NUDCD1: variants seen among roughly 807,000 people sequenced by gnomAD.
NUDCD1 encodes the protein NudC domain containing 1.
Under a neutral mutation model 67.8 loss-of-function variants are expected in NUDCD1, and 60 were observed. That is an observed-to-expected ratio of 0.88 (90% CI 0.72 to 1.10). The LOEUF is 1.10. Ranked by LOEUF, NUDCD1 falls within the 50% of genes least tolerant of loss-of-function variation. The pLI is 0.00. For missense variants in NUDCD1, 643 were observed against 695.0 expected, an observed-to-expected ratio of 0.93 and a Z score of 0.84; for synonymous variants, 244 against 230.8, an observed-to-expected ratio of 1.06 and a Z score of -0.52.
At chr8:109,309,434 CA>C (rs1210151740) in intron 2 of NUDCD1, among the ~76,000 whole-genome samples, 1 of 152,120 alleles carries the variant, frequency 6.6e-6, no homozygotes, top group African/African-American at 2.4e-5. Context: ...AAACTCTCAG[CA>C]AAATTGGCAT....
rs1815429293 is a variant in NUDCD1 at position 109,317,554 on chromosome 8, G to A, written c.273+4755C>T. 4.7e-5 allele frequency among the ~76,000 whole-genome samples: 7 copies of A among 150,102 alleles called. 1 individual carries two copies. The South Asian group carries it at 1.5e-3, about 31-fold the overall frequency. On this transcript the variant is annotated intron_variant, in intron 2 of 9. Transcript: ENST00000239690. ...TTATCCTATGAGAAAGGATCCACAGGATCCATTGTTCTGTGGATTAAACAG... is the reference window on the plus strand; with the variant it reads ...TTATCCTATGAGAAAGGATCCACAGAATCCATTGTTCTGTGGATTAAACAG...
chr8:109,263,741 A>T (rs1026588447), intron 8 of NUDCD1, among the ~76,000 whole-genome samples: 7 of 152,118 alleles, frequency 4.6e-5, no homozygotes, highest in African/African-American at 1.7e-4. Flanking sequence ...GCTGGGAGAC[A>T]TCTTCAGGGG....
intron 2 of NUDCD1, among the ~76,000 whole-genome samples, chr8:109,313,425 A>C (rs1032747140): frequency 6.6e-6 from 1 of 152,246 alleles, no homozygotes; most frequent in Non-Finnish European, 1.5e-5. Context: ...GACAGCACAA[A>C]GTATAGATAG....
chr8:109,301,723 C>T (rs1310119659), intron 2 of NUDCD1, among the ~76,000 whole-genome samples: 1 of 152,232 alleles, frequency 6.6e-6, no homozygotes, highest in Non-Finnish European at 1.5e-5. Context: ...ATCTCCCTGT[C>T]CTTCCAATTC....
chr8:109,278,521 T>G (rs1814350716), intron 6 of NUDCD1, among the ~76,000 whole-genome samples: 1 of 152,200 alleles, frequency 6.6e-6, no homozygotes, highest in East Asian at 1.9e-4. Flanking sequence ...ACTGAATTAT[T>G]TCCACCATAC....
chr8:109,274,371 C>A (rs573132842), intron 7 of NUDCD1, among the ~76,000 whole-genome samples: 5 of 152,242 alleles, frequency 3.3e-5, no homozygotes, highest in African/African-American at 1.2e-4. Flanking sequence ...AAGTAGTTAA[C>A]TGCAATTATC....
chr8:109,332,105 T>C (rs1484223852), intron 1 of NUDCD1, among the ~76,000 whole-genome samples: 1 of 152,176 alleles, frequency 6.6e-6, no homozygotes, highest in Non-Finnish European at 1.5e-5. Context: ...TATAGGGTAG[T>C]GAACAAAAGA....
At chr8:109,282,184 C>T (rs1178433283) in intron 5 of NUDCD1, among the ~76,000 whole-genome samples, 1 of 152,276 alleles carries the variant, frequency 6.6e-6, no homozygotes, top group East Asian at 1.9e-4. Flanking sequence ...GCCCCTACTC[C>T]CCGGGGCTGA....
At position 109,296,564 on chromosome 8, in the gene NUDCD1, A is replaced by G. The variant is rs753506609; in HGVS notation, c.279T>C (p.Thr93=). Reference sequence around the variant, plus strand: ...ACACCTCTCGTGGTTTTCCTAAGGCAGTGTCCTAAAAAGACCAAACATTAT... The same window carrying G: ...ACACCTCTCGTGGTTTTCCTAAGGCGGTGTCCTAAAAAGACCAAACATTAT... ...RIMNLTVMLD[T]ALGKPREVFR... The change falls in exon 3 of 10, where the codon ACT becomes ACC. Residue 93 remains threonine (T), a synonymous_variant. Coordinates refer to ENST00000239690, the MANE Select transcript of NUDCD1 (RefSeq NM_032869.4). 1 of 1,601,440 alleles carries G rather than the reference A, an allele frequency of 6.2e-7. No individual in the cohort carries two copies. Among genetic ancestry groups the G allele is most frequent in the South Asian group, 1.1e-5 (1 of 89,938 alleles).
At chr8:109,325,044 C>G (rs916322615) in intron 1 of NUDCD1, among the ~76,000 whole-genome samples, 1 of 152,048 alleles carries the variant, frequency 6.6e-6, no homozygotes, top group East Asian at 1.9e-4. Context: ...GAGCCGAGAT[C>G]GCTCCACTGC....
At position 109,331,273 on chromosome 8, in the gene NUDCD1, G is replaced by T. The variant is rs1815798481; in HGVS notation, c.118+2620C>A. On this transcript the variant is annotated intron_variant, in intron 1 of 9. Transcript: ENST00000239690. ...TGCTTGAACCCGGGAGGCGGAAGTT[G>T]CAGTGAGCTGAGATCGCGCCACTGC... Among the ~76,000 whole-genome samples the T allele has an allele frequency of 2.6e-5, 4 of 152,170 alleles. No individual in the cohort carries two copies. The South Asian group carries it at 8.3e-4, about 32-fold the overall frequency.
intron 3 of NUDCD1, among the ~76,000 whole-genome samples, chr8:109,296,044 A>G (rs555066613): frequency 6.6e-6 from 1 of 152,242 alleles, no homozygotes; most frequent in Non-Finnish European, 1.5e-5. Context: ...GGCAGAGGAG[A>G]AAATCATCCT....
chr8:109,287,548 A>G (rs1442711262), intron 5 of NUDCD1, among the ~76,000 whole-genome samples: 3 of 152,166 alleles, frequency 2.0e-5, no homozygotes, highest in Non-Finnish European at 4.4e-5. Context: ...ACAGAAAACC[A>G]AATACCACAT....
chr8:109,242,973 C>T lies in NUDCD1; in HGVS notation c.*36G>A, dbSNP rs763276055. The stretch of plus-strand genomic sequence containing the variant: ...CCAGACCTCCAGGTACCACTGAATA[C>T]TTTTCCAGTACAAAGAGGCCAATAT... On this transcript the variant is annotated 3_prime_UTR_variant, in exon 10 of 10. Coordinates refer to ENST00000239690, the MANE Select transcript of NUDCD1 (RefSeq NM_032869.4). 2.7e-5 allele frequency: 39 copies of T among 1,426,944 alleles called. No homozygotes were observed. The highest frequency in any genetic ancestry group is 3.7e-5 in the Non-Finnish European group (38 of 1,026,798). The allele number at this position is 1,426,944 out of a possible 1,614,324, so 88.4% of individuals were successfully genotyped here.
At chr8:109,243,360 T>C in intron 9 of NUDCD1, 59 bp from the exon 10 acceptor site, 4 of 1,353,890 alleles carry the variant, frequency 3.0e-6, no homozygotes, top group South Asian at 1.5e-5. Flanking sequence ...AGGGGAAAAA[T>C]GATGATTTAA....
intron 2 of NUDCD1, among the ~76,000 whole-genome samples, chr8:109,320,123 C>T (rs1815498893): frequency 6.6e-6 from 1 of 152,276 alleles, no homozygotes; most frequent in East Asian, 1.9e-4. Context: ...ATTAAAATTG[C>T]TAATGAAGTT....
At chr8:109,275,237 GATATGT>G in intron 7 of NUDCD1, 109 bp downstream of exon 7, 1 of 879,024 alleles carries the variant, frequency 1.1e-6, no homozygotes, top group Admixed American at 2.4e-5. Context: ...AGTAGTATCT[GATATGT>G]ATCTTTTATA....
intron 1 of NUDCD1, among the ~76,000 whole-genome samples, chr8:109,333,650 T>A (rs564669882): frequency 2.0e-5 from 3 of 152,160 alleles, no homozygotes; most frequent in Non-Finnish European, 4.4e-5. Context: ...ACCTCAGACC[T>A]CAGAGGCTGG....
At chr8:109,264,416 G>C (rs968960105) in intron 8 of NUDCD1, among the ~76,000 whole-genome samples, 9 of 152,076 alleles carry the variant, frequency 5.9e-5, no homozygotes, top group Admixed American at 3.9e-4. Flanking sequence ...GAGATTAGTG[G>C]TATATTAACA....
Sources: gnomAD v4.1 joint callset for allele counts (sites outside exome capture counted in the v4.1 genomes callset) on GRCh38, gnomAD v4.1.1 for gene constraint, MANE v1.5 for transcripts, NCBI Gene and HGNC (gene_info 2026-07-23, HGNC 2026-07-21) for gene names.